The following CYYR1 variants were observed in gnomAD, a reference collection of about 807,000 sequenced individuals.
CYYR1 encodes the protein cysteine and tyrosine-rich protein 1.
CYYR1 carries 14 observed loss-of-function variants against 15.2 expected under a neutral mutation model. That is an observed-to-expected ratio of 0.92 (90% CI 0.61 to 1.44). The LOEUF is 1.44. Ranked by LOEUF, CYYR1 falls within the 40% of genes most tolerant of loss-of-function variation. CYYR1 has a pLI of 0.00. For missense variants in CYYR1, 228 were observed against 209.5 expected (o/e 1.09, Z -0.54); for synonymous variants, 80 against 77.4 (o/e 1.03, Z -0.18).
chr21:26,573,282 A>G lies in CYYR1; in HGVS notation c.-342T>C. 2 of 1,292,796 alleles carry G rather than the reference A, an allele frequency of 1.5e-6. No individual in the cohort carries two copies. Among genetic ancestry groups the G allele is most frequent in the South Asian group, 1.3e-5 (1 of 75,124 alleles). The allele number at this position is 1,292,796 out of a possible 1,614,324, so 80.1% of individuals were successfully genotyped here. On this transcript the variant is annotated 5_prime_UTR_variant, in exon 1 of 4. Coordinates refer to ENST00000652641, the MANE Select transcript of CYYR1 (RefSeq NM_001320768.2). ...CATTTCATCTCCGCGGGTGGCAACGACTGCGGGCAGGGGGCGGGGGTGGCC... is the reference window on the plus strand; with the variant it reads ...CATTTCATCTCCGCGGGTGGCAACGGCTGCGGGCAGGGGGCGGGGGTGGCC...
At chr21:26,526,341 G>A (rs907550541) in intron 2 of CYYR1, among the ~76,000 whole-genome samples, 1 of 151,990 alleles carries the variant, frequency 6.6e-6, no homozygotes, top group Admixed American at 6.6e-5. Flanking sequence ...CCAGCTACTC[G>A]GGAGGCTGAG....
intron 2 of CYYR1, among the ~76,000 whole-genome samples, chr21:26,525,200 C>CT (rs1385876230): frequency 6.6e-6 from 1 of 152,270 alleles, no homozygotes; most frequent in South Asian, 2.1e-4. Flanking sequence ...TTATCCTACA[C>CT]TTTTTTTCAT....
intron 3 of CYYR1, among the ~76,000 whole-genome samples, chr21:26,469,393 A>G (rs989998881): frequency 2.6e-5 from 4 of 151,426 alleles, no homozygotes; most frequent in Non-Finnish European, 4.4e-5. Flanking sequence ...TGAAGATGAA[A>G]CATTTAATTT....
At chr21:26,482,358 A>G (rs1192421537) in intron 2 of CYYR1, 2 of 985,180 alleles carry the variant, frequency 2.0e-6, no homozygotes, top group African/African-American at 1.7e-5. Context: ...TCTTTCCCAC[A>G]TTATCAGTAG....
chr21:26,479,767 C>G (rs1478357521), intron 3 of CYYR1, among the ~76,000 whole-genome samples: 2 of 152,094 alleles, frequency 1.3e-5, no homozygotes, highest in Non-Finnish European at 2.9e-5. Context: ...CCACCTCGGC[C>G]TACCAAAATG....
chr21:26,542,705 A>AT (rs897444333), intron 2 of CYYR1, among the ~76,000 whole-genome samples: 4 of 152,072 alleles, frequency 2.6e-5, no homozygotes, highest in East Asian at 1.9e-4. Flanking sequence ...TGCAGATAAG[A>AT]TTTTTTTTAC....
At chr21:26,517,312 A>C (rs1333660030) in intron 2 of CYYR1, among the ~76,000 whole-genome samples, 1 of 152,134 alleles carries the variant, frequency 6.6e-6, no homozygotes, top group Non-Finnish European at 1.5e-5. Flanking sequence ...ATTATTAGAC[A>C]GTTTTAATAT....
At chr21:26,568,166 C>T (rs889094797) in intron 1 of CYYR1, 3 of 152,122 alleles carry the variant, frequency 2.0e-5, no homozygotes, top group Admixed American at 6.5e-5. Context: ...CTTTTAAAGG[C>T]TATTTATTTT....
intron 2 of CYYR1, among the ~76,000 whole-genome samples, chr21:26,562,080 A>C (rs1980240778): frequency 6.6e-6 from 1 of 152,222 alleles, no homozygotes; most frequent in South Asian, 2.1e-4. Context: ...CATGAAGCAG[A>C]GTTGCTGAAT....
At chr21:26,542,290 C>CGTGTGT (rs55725152) in intron 2 of CYYR1, among the ~76,000 whole-genome samples, 7,030 of 128,086 alleles carry the variant, frequency 0.055, 234 homozygotes, top group South Asian at 0.091. Context: ...TGTGTGTGTG[C>CGTGTGT]GTGTGTGTGT....
At chr21:26,550,544 G>C (rs1323337961) in intron 2 of CYYR1, 1 of 152,150 alleles carries the variant, frequency 6.6e-6, no homozygotes, top group Admixed American at 6.6e-5. Context: ...AAAAGTTCTT[G>C]AAGGAAATTA....
chr21:26,524,843 T>C (rs1205852229), intron 2 of CYYR1, among the ~76,000 whole-genome samples: 2 of 152,192 alleles, frequency 1.3e-5, no homozygotes, highest in Non-Finnish European at 2.9e-5. Flanking sequence ...TTTGTAATAT[T>C]CCCCTCTACA....
At chr21:26,562,998 A>G (rs142464318) in intron 2 of CYYR1, among the ~76,000 whole-genome samples, 2 of 152,282 alleles carry the variant, frequency 1.3e-5, no homozygotes, top group East Asian at 3.9e-4. Flanking sequence ...CTGCCATGGT[A>G]GCAGGCACTC....
intron 2 of CYYR1, among the ~76,000 whole-genome samples, chr21:26,501,830 C>T (rs1007744284): frequency 3.3e-4 from 50 of 152,082 alleles, no homozygotes; most frequent in African/African-American, 1.1e-3. Context: ...AGTGCACTGA[C>T]GATGAAGAAC....
chr21:26,554,858 C>T (rs1429739105), intron 2 of CYYR1, among the ~76,000 whole-genome samples: 1 of 152,116 alleles, frequency 6.6e-6, no homozygotes, highest in Non-Finnish European at 1.5e-5. Flanking sequence ...CTCAACCTTC[C>T]AAGTAGCTGG....
intron 2 of CYYR1, among the ~76,000 whole-genome samples, chr21:26,511,027 G>A (rs1470213829): frequency 3.9e-5 from 6 of 152,142 alleles, no homozygotes; most frequent in Admixed American, 1.3e-4. Flanking sequence ...TCAATTCCTT[G>A]CCAAATGAAC....
chr21:26,564,763 C>T (rs1215662226), intron 2 of CYYR1: 2 of 1,234,282 alleles, frequency 1.6e-6, no homozygotes, highest in Non-Finnish European at 2.1e-6. Context: ...CAAAGAATCA[C>T]AGAATCAGTT....
chr21:26,478,097 C>CAA (rs1569139163), intron 3 of CYYR1: 1 of 1,549,296 alleles, frequency 6.5e-7, no homozygotes, highest in Admixed American at 2.0e-5. Context: ...GAGTGTTGAA[C>CAA]AAAATAGACC....
chr21:26,523,788 A>G (rs1354445184), intron 2 of CYYR1, among the ~76,000 whole-genome samples: 5 of 152,086 alleles, frequency 3.3e-5, no homozygotes, highest in African/African-American at 9.7e-5. Context: ...TCATCACACC[A>G]TCTTGCCTTC....
Sources: gnomAD v4.1 joint callset for allele counts (sites outside exome capture counted in the v4.1 genomes callset) on GRCh38, gnomAD v4.1.1 for gene constraint, MANE v1.5 for transcripts, NCBI Gene and HGNC (gene_info 2026-07-23, HGNC 2026-07-21) for gene names.